The following MSRB2 variants were observed in gnomAD, a reference collection of about 807,000 sequenced individuals.
MSRB2 encodes the protein methionine-R-sulfoxide reductase B2, mitochondrial.
Under a neutral mutation model 19.0 loss-of-function variants are expected in MSRB2, and 17 were observed. That is an observed-to-expected ratio of 0.89 (90% CI 0.61 to 1.34). MSRB2 has a LOEUF of 1.34. MSRB2 is among the 40% of genes most tolerant of loss of function. The probability of loss-of-function intolerance (pLI) is 0.00; values close to 1 mark genes in which losing one functional copy is unlikely to be tolerated. For missense variants in MSRB2, 208 were observed against 237.6 expected, an observed-to-expected ratio of 0.88 and a Z score of 0.82; for synonymous variants, 107 against 99.7, an observed-to-expected ratio of 1.07 and a Z score of -0.44.
chr10:23,118,337 G>GTTTTTTTTTTTTTTTTT (rs35011086), intron 3 of MSRB2, among the ~76,000 whole-genome samples: 1 of 92,156 alleles, frequency 1.1e-5, no homozygotes, highest in African/African-American at 4.4e-5. Flanking sequence ...TTAGTTTTTT[G>GTTTTTTTTTTTTTTTTT]TTTTTTTTTT....
intron 1 of MSRB2, among the ~76,000 whole-genome samples, chr10:23,101,876 TAC>T (rs1209312018): frequency 1.3e-5 from 2 of 152,182 alleles, no homozygotes; most frequent in Non-Finnish European, 2.9e-5. Context: ...ATAAAGACAG[TAC>T]AGAGTTCTCA....
intron 3 of MSRB2, among the ~76,000 whole-genome samples, chr10:23,118,347 T>G (rs1026642336): frequency 1.9e-4 from 28 of 149,552 alleles, no homozygotes; most frequent in African/African-American, 4.9e-4. Flanking sequence ...GTTTTTTTTT[T>G]TTTTTTTTTG....
intron 4 of MSRB2, among the ~76,000 whole-genome samples, chr10:23,120,177 C>T (rs561505011): frequency 5.0e-4 from 76 of 152,318 alleles, no homozygotes; most frequent in African/African-American, 1.7e-3. Flanking sequence ...CACCCTGCAG[C>T]GTGTCACTGG....
chr10:23,115,744 CCT>C (rs1420856123), intron 3 of MSRB2, among the ~76,000 whole-genome samples: 2 of 152,110 alleles, frequency 1.3e-5, no homozygotes, highest in Non-Finnish European at 2.9e-5. Flanking sequence ...ATATGTTAGG[CCT>C]CTCATATTAC....
At chr10:23,108,303 A>G (rs1840006322) in intron 2 of MSRB2, among the ~76,000 whole-genome samples, 1 of 151,992 alleles carries the variant, frequency 6.6e-6, no homozygotes, top group Non-Finnish European at 1.5e-5. Context: ...GATAGCAGTT[A>G]TCTATCACTT....
chr10:23,104,296 G>A, intron 2 of MSRB2, 52 bp downstream of exon 2: 1 of 1,527,220 alleles, frequency 6.5e-7, no homozygotes, highest in South Asian at 1.2e-5. Context: ...GCAGTGAGGG[G>A]CCAGTTGGAA....
Position 23,095,737 on chromosome 10 carries a change from G to T in MSRB2, c.118+11G>T, listed in dbSNP as rs1357632659. 1.5e-5 allele frequency: 19 copies of T among 1,243,840 alleles called. No homozygotes were observed. The highest frequency in any genetic ancestry group is 1.9e-5 in the Non-Finnish European group (19 of 993,788). 77.1% of individuals were successfully genotyped at this position (1,243,840 alleles called of 1,614,324 possible). On this transcript the variant is annotated intron_variant, in intron 1 of 4. Coordinates refer to ENST00000376510, the MANE Select transcript of MSRB2 (RefSeq NM_012228.4). ...GACTGGGGGAGGCAGGTAGGACGCGGGTCCCGCAGGCCCCGCCGCCGCCTA... is the reference window on the plus strand; with the variant it reads ...GACTGGGGGAGGCAGGTAGGACGCGTGTCCCGCAGGCCCCGCCGCCGCCTA...
intron 2 of MSRB2, among the ~76,000 whole-genome samples, chr10:23,106,574 A>C (rs115372465): frequency 0.017 from 2,634 of 152,262 alleles, 65 homozygotes; most frequent in African/African-American, 0.059. Context: ...GTGGGAGACA[A>C]CAGTGAGATC....
chr10:23,121,860 T>C lies in MSRB2; in HGVS notation c.*998T>C, dbSNP rs1840187345. On this transcript the variant is annotated 3_prime_UTR_variant, in exon 5 of 5. Transcript: ENST00000376510. The stretch of plus-strand genomic sequence containing the variant: ...GACTTTTTTTTCAAAATTTTAAATG[T>C]CTTGAGCATGCTACTTCCAACCATT... The C allele has an allele frequency of 6.6e-6, 1 of 152,140 alleles. No individual in the cohort carries two copies. The highest frequency in any genetic ancestry group is 2.1e-4 in the South Asian group (1 of 4,828). 9.4% of individuals were successfully genotyped at this position (152,140 alleles called of 1,614,324 possible). A position where few individuals can be genotyped will look rare whatever the true frequency, so the allele number is the denominator to read the frequency against.
chr10:23,103,076 A>G (rs1839942803), intron 1 of MSRB2, among the ~76,000 whole-genome samples: 1 of 152,248 alleles, frequency 6.6e-6, no homozygotes, highest in Middle Eastern at 3.2e-3. Context: ...AAAACTTTTA[A>G]TATATTAAAT....
intron 4 of MSRB2, 68 bp downstream of exon 4, chr10:23,119,519 C>G (rs1840157902): frequency 6.5e-7 from 1 of 1,550,200 alleles, no homozygotes; most frequent in African/African-American, 1.4e-5. Flanking sequence ...CTCTCTTGTT[C>G]TTGGCAAATC....
chr10:23,117,508 T>C (rs1840124698), intron 3 of MSRB2, among the ~76,000 whole-genome samples: 1 of 152,238 alleles, frequency 6.6e-6, no homozygotes, highest in Admixed American at 6.5e-5. Context: ...TTGAAAAGTA[T>C]AATTATTTGC....
chr10:23,107,687 G>T (rs1045745969), intron 2 of MSRB2, among the ~76,000 whole-genome samples: 1 of 152,150 alleles, frequency 6.6e-6, no homozygotes, highest in Non-Finnish European at 1.5e-5. Context: ...GTCAGCTCAC[G>T]TGTGTCTTCC....
intron 4 of MSRB2, 32 bp downstream of exon 4, chr10:23,119,483 G>A: frequency 6.2e-7 from 1 of 1,603,280 alleles, no homozygotes; most frequent in Non-Finnish European, 8.5e-7. Context: ...TACTTTCCCT[G>A]ATGCTGCCCC....
rs1555805 is a variant in MSRB2, at chr10:23,104,297, C to A, written c.219+53C>A. 5 of 1,493,404 alleles carry A rather than the reference C, an allele frequency of 3.3e-6. No homozygotes were observed. The African/African-American group carries it at 6.9e-5, about 21-fold the overall frequency. 92.5% of individuals were successfully genotyped at this position (1,493,404 alleles called of 1,614,324 possible). On this transcript the variant is annotated intron_variant, in intron 2 of 4. Coordinates refer to ENST00000376510, the MANE Select transcript of MSRB2 (RefSeq NM_012228.4). ...GATTGCATGTGTTGGCAGTGAGGGG[C>A]CAGTTGGAATAGGTCCAGCTATGAA...
intron 3 of MSRB2, among the ~76,000 whole-genome samples, chr10:23,116,767 G>A (rs1317706863): frequency 2.0e-5 from 3 of 152,200 alleles, no homozygotes; most frequent in Non-Finnish European, 4.4e-5. Context: ...GCCAGTGATT[G>A]TTTAGCTGCT....
chr10:23,104,823 G>A (rs896255205), intron 2 of MSRB2, among the ~76,000 whole-genome samples: 2 of 152,126 alleles, frequency 1.3e-5, no homozygotes, highest in African/African-American at 4.8e-5. Flanking sequence ...TTTGCACCCA[G>A]CTTTCCTTCT....
rs1840135815 is a variant in MSRB2 at position 23,118,321 on chromosome 10, CTTAGA to C, written c.297-978_297-974del. 1.6e-5 allele frequency among the ~76,000 whole-genome samples: 2 copies of C among 122,258 alleles called. 1 individual carries two copies. The highest frequency in any genetic ancestry group is 5.5e-4 in the South Asian group (2 of 3,626). The allele number at this position is 122,258 out of a possible 152,430, so 80.2% of individuals were successfully genotyped here. A position where few individuals can be genotyped will look rare whatever the true frequency, so the allele number is the denominator to read the frequency against. On this transcript the variant is annotated intron_variant, in intron 3 of 4. Coordinates refer to ENST00000376510, the MANE Select transcript of MSRB2 (RefSeq NM_012228.4). ...ATTTGATTCTTTGCTACTTTTTCTT[CTTAGA>C]TTAGTTTTTTGTTTTTTTTTTTTTT...
At chr10:23,107,914 A>G (rs1840001550) in intron 2 of MSRB2, among the ~76,000 whole-genome samples, 1 of 151,974 alleles carries the variant, frequency 6.6e-6, no homozygotes, top group South Asian at 2.1e-4. Context: ...GAGTGGGTAG[A>G]TGTCATTTCA....
Sources: gnomAD v4.1 joint callset for allele counts (sites outside exome capture counted in the v4.1 genomes callset) on GRCh38, gnomAD v4.1.1 for gene constraint, MANE v1.5 for transcripts, NCBI Gene and HGNC (gene_info 2026-07-23, HGNC 2026-07-21) for gene names.